Variants in ARGLU1 observed in about 807,000 individuals in gnomAD.
The protein encoded by ARGLU1 is arginine and glutamate rich 1.
ARGLU1 carries 9 observed loss-of-function variants against 37.6 expected under a neutral mutation model. That is an observed-to-expected ratio of 0.24 (90% CI 0.14 to 0.42). The LOEUF (loss-of-function observed/expected upper bound fraction) is 0.42. ARGLU1 is among the 10% of genes least tolerant of loss of function. The pLI, the probability that ARGLU1 is intolerant of heterozygous loss-of-function variation, is 1.00. For missense variants in ARGLU1, 211 were observed against 359.2 expected, an observed-to-expected ratio of 0.59 and a Z score of 3.34; for synonymous variants, 166 against 138.5, an observed-to-expected ratio of 1.20 and a Z score of -1.39.
rs1460776182 is a variant in ARGLU1, at chr13:106,541,928, A to C, written c.*2068T>G. On this transcript the variant is annotated 3_prime_UTR_variant, in exon 4 of 4. Transcript: ENST00000400198. ...ACAAATGAAAAAAACAAATTACTAC[A>C]TTGTTGCAGCACATTAAAGACTGGA... The C allele has an allele frequency of 2.0e-5, 3 of 152,202 alleles. No individual in the cohort carries two copies. The highest frequency in any genetic ancestry group is 7.2e-5 in the African/African-American group (3 of 41,454). 9.4% of individuals were successfully genotyped at this position (152,202 alleles called of 1,614,324 possible). A position where few individuals can be genotyped will look rare whatever the true frequency, so the allele number is the denominator to read the frequency against.
chr13:106,550,837 G>A (rs566239987), intron 3 of ARGLU1, among the ~76,000 whole-genome samples: 10 of 152,166 alleles, frequency 6.6e-5, no homozygotes, highest in Non-Finnish European at 1.2e-4. Flanking sequence ...CTCTGTGTTT[G>A]TTTTCACATC....
Position 106,567,869 on chromosome 13 carries a change from G to C in ARGLU1, c.51C>G (p.Ser17Arg). 6.2e-7 allele frequency: 1 copy of C among 1,612,738 alleles called. No homozygotes were observed. Among genetic ancestry groups the C allele is most frequent in the Non-Finnish European group, 8.5e-7 (1 of 1,179,856 alleles). The change falls in exon 1 of 4, where the codon AGC becomes AGG. Residue 17 changes from serine to arginine, a missense_variant. This residue lies in a region of ARGLU1 where 130 missense variants were observed against 179.8 expected (regional missense o/e 0.72). Transcript: ENST00000400198. The surrounding 1 kb of genome is among the most constrained non-coding windows in gnomAD (Gnocchi z 4.3). Reference protein sequence around the residue: ...RSSSRSKHTKSSKHNKKRSRS... With the variant: ...RSSSRSKHTKRSKHNKKRSRS... ...GGCTGCGCTTCTTGTTGTGCTTGCT[G>C]CTCTTGGTGTGCTTGGAGCGGGACG...
intron 3 of ARGLU1, 145 bp from the exon 4 acceptor site, chr13:106,544,305 G>A (rs1880337097): frequency 3.5e-6 from 2 of 574,016 alleles, no homozygotes; most frequent in South Asian, 7.7e-5. Flanking sequence ...GACTTCCTAT[G>A]AATTACATGC....
Position 106,567,101 on chromosome 13 carries a change from T to C in ARGLU1, c.347+472A>G, listed in dbSNP as rs1026836524. 3.9e-5 allele frequency among the ~76,000 whole-genome samples: 6 copies of C among 152,038 alleles called. No homozygotes were observed. The highest frequency in any genetic ancestry group is 1.2e-4 in the African/African-American group (5 of 41,406). On this transcript the variant is annotated intron_variant, in intron 1 of 3. Coordinates refer to ENST00000400198, the MANE Select transcript of ARGLU1 (RefSeq NM_018011.4). This position sits in a 1 kb window ranked among gnomAD's most constrained non-coding sequence, Gnocchi z 4.3. ...AGATTAGTTAAGTCCTGTCCCAAAT[T>C]TGAGCTTCAATAGAATGCTTCTGGC...
chr13:106,555,110 C>A (rs2138970023), intron 3 of ARGLU1, among the ~76,000 whole-genome samples: 2 of 152,034 alleles, frequency 1.3e-5, no homozygotes, highest in Middle Eastern at 3.4e-3. Context: ...GTAATCCCAG[C>A]ACTTTGGGAA....
rs1880302837 is a variant in ARGLU1, at chr13:106,543,117, T to A, written c.*879A>T. The A allele has an allele frequency of 6.6e-6, 1 of 152,152 alleles. No individual in the cohort carries two copies. 9.4% of individuals were successfully genotyped at this position (152,152 alleles called of 1,614,324 possible). ...TAGTCTTTCTTAAAGGTAACACTGA[T>A]GCCATTTGCTCTATCAGCATAAAGT... On this transcript the variant is annotated 3_prime_UTR_variant, in exon 4 of 4. Coordinates refer to ENST00000400198, the MANE Select transcript of ARGLU1 (RefSeq NM_018011.4).
intron 3 of ARGLU1, among the ~76,000 whole-genome samples, chr13:106,547,018 G>T (rs73588129): frequency 2.6e-5 from 4 of 152,130 alleles, no homozygotes; most frequent in Admixed American, 6.5e-5. Flanking sequence ...GTTATTACCC[G>T]AGTGGGATGT....
chr13:106,559,069 T>C, intron 2 of ARGLU1: 1 of 1,215,218 alleles, frequency 8.2e-7, no homozygotes, highest in East Asian at 5.5e-5. Flanking sequence ...AATAGAAGAA[T>C]ATACAACCAC....
rs770872903 is a variant in ARGLU1, at chr13:106,543,237, A to G, written c.*759T>C. The G allele has an allele frequency of 6.6e-6, 1 of 152,594 alleles. No homozygotes were observed. Among genetic ancestry groups the G allele is most frequent in the Non-Finnish European group, 1.5e-5 (1 of 67,962 alleles). The allele number at this position is 152,594 out of a possible 1,614,324, so 9.5% of individuals were successfully genotyped here. ...TAAAAGTATAAACAAGAGGAAATAT[A>G]GTTCTAAGACTTCTAAATGGTTGAC... On this transcript the variant is annotated 3_prime_UTR_variant, in exon 4 of 4. Coordinates refer to ENST00000400198, the MANE Select transcript of ARGLU1 (RefSeq NM_018011.4).
At chr13:106,549,620 T>C (rs1389390374) in intron 3 of ARGLU1, among the ~76,000 whole-genome samples, 1 of 152,196 alleles carries the variant, frequency 6.6e-6, no homozygotes, top group Non-Finnish European at 1.5e-5. Flanking sequence ...CTCCTTAGGG[T>C]TTCTAATATG....
At position 106,543,964 on chromosome 13, in the gene ARGLU1, T is replaced by C. The variant is rs1880327907; in HGVS notation, c.*32A>G. Reference sequence around the variant, plus strand: ...GAAGCTACCATACAAAGTTTTTCCATTTTTCTTTGTAAAAAGTTCAGAGTT... The same window carrying C: ...GAAGCTACCATACAAAGTTTTTCCACTTTTCTTTGTAAAAAGTTCAGAGTT... On this transcript the variant is annotated 3_prime_UTR_variant, in exon 4 of 4. Transcript: ENST00000400198. 5.1e-6 allele frequency: 8 copies of C among 1,554,250 alleles called. No individual in the cohort carries two copies. Among genetic ancestry groups the C allele is most frequent in the South Asian group, 5.0e-5 (4 of 80,094 alleles).
chr13:106,565,444 C>T (rs1366351875), intron 1 of ARGLU1, among the ~76,000 whole-genome samples: 3 of 152,198 alleles, frequency 2.0e-5, no homozygotes, highest in Admixed American at 6.5e-5. Flanking sequence ...ATTACTGTCA[C>T]TAAATTTACT....
chr13:106,566,204 TG>T (rs1880958524), intron 1 of ARGLU1, among the ~76,000 whole-genome samples: 1 of 152,242 alleles, frequency 6.6e-6, no homozygotes, highest in Non-Finnish European at 1.5e-5. Flanking sequence ...ACAGGAAAAA[TG>T]AGTGTTGCAT....
chr13:106,557,228 T>A lies in ARGLU1; in HGVS notation c.574-97A>T. 4 of 1,085,210 alleles carry A rather than the reference T, an allele frequency of 3.7e-6. No homozygotes were observed. The South Asian group carries it at 5.5e-5, about 15-fold the overall frequency. 67.2% of individuals were successfully genotyped at this position (1,085,210 alleles called of 1,614,324 possible). A position where few individuals can be genotyped will look rare whatever the true frequency, so the allele number is the denominator to read the frequency against. On this transcript the variant is annotated intron_variant, in intron 2 of 3. Coordinates refer to ENST00000400198, the MANE Select transcript of ARGLU1 (RefSeq NM_018011.4). The surrounding 1 kb of genome is among the most constrained non-coding windows in gnomAD (Gnocchi z 5.0). ...TTCCTCTGAACTTTTTTGATATGACTTACAGGGTAGCTTTATAGCTACCTT... is the reference window on the plus strand; with the variant it reads ...TTCCTCTGAACTTTTTTGATATGACATACAGGGTAGCTTTATAGCTACCTT...
chr13:106,561,960 C>T (rs561503023), intron 1 of ARGLU1: 1 of 152,220 alleles, frequency 6.6e-6, no homozygotes, highest in Non-Finnish European at 1.5e-5. Context: ...TCAATTCTAA[C>T]TACAGCTCAG....
At chr13:106,562,999 A>AC (rs1202077005) in intron 1 of ARGLU1, among the ~76,000 whole-genome samples, 7 of 131,740 alleles carry the variant, frequency 5.3e-5, no homozygotes, top group Admixed American at 1.6e-4. Context: ...TCAAAAAAAA[A>AC]AAAAAAAAAC....
In ARGLU1 at chr13:106,557,912, T is replaced by C. The variant is rs1256906224; in HGVS notation, c.574-781A>G. 1.0e-6 allele frequency: 1 copy of C among 985,304 alleles called. No individual in the cohort carries two copies. Among genetic ancestry groups the C allele is most frequent in the African/African-American group, 1.7e-5 (1 of 57,232 alleles). 61.0% of individuals were successfully genotyped at this position (985,304 alleles called of 1,614,324 possible). ...TTTCGGAAGGCAGCTTATATTGTCA[T>C]CTACAATCTGAACTGAAACTCAGAA... On this transcript the variant is annotated intron_variant, in intron 2 of 3. Transcript: ENST00000400198. The surrounding 1 kb of genome is among the most constrained non-coding windows in gnomAD (Gnocchi z 5.0).
Position 106,557,024 on chromosome 13 carries a change from T to G in ARGLU1, c.657+24A>C, listed in dbSNP as rs1594192270. ...GGAAATAAAGCAAAATACAAAACACTTTTCATGTATGCTTTACACTTACCA... is the reference window on the plus strand; with the variant it reads ...GGAAATAAAGCAAAATACAAAACACGTTTCATGTATGCTTTACACTTACCA... On this transcript the variant is annotated intron_variant, in intron 3 of 3. Transcript: ENST00000400198. This position sits in a 1 kb window ranked among gnomAD's most constrained non-coding sequence, Gnocchi z 5.0. 6.3e-7 allele frequency: 1 copy of G among 1,592,598 alleles called. No homozygotes were observed. Among genetic ancestry groups the G allele is most frequent in the Admixed American group, 1.7e-5 (1 of 59,416 alleles).
At position 106,543,922 on chromosome 13, in the gene ARGLU1, A is replaced by G. The variant is rs542189823; in HGVS notation, c.*74T>C. On this transcript the variant is annotated 3_prime_UTR_variant, in exon 4 of 4. Coordinates refer to ENST00000400198, the MANE Select transcript of ARGLU1 (RefSeq NM_018011.4). ...AATTAAAAAAACAAAAACAAAAACAAAAAACCACTTCAACATGAAGCTACC... is the reference window on the plus strand; with the variant it reads ...AATTAAAAAAACAAAAACAAAAACAGAAAACCACTTCAACATGAAGCTACC... 1.9e-4 allele frequency: 269 copies of G among 1,453,784 alleles called. No homozygotes were observed. The highest frequency in any genetic ancestry group is 2.4e-4 in the Non-Finnish European group (255 of 1,084,646). 90.1% of individuals were successfully genotyped at this position (1,453,784 alleles called of 1,614,324 possible).
Sources: allele counts gnomAD v4.1 joint callset (sites outside exome capture counted in the v4.1 genomes callset), GRCh38; gene constraint gnomAD v4.1.1; regional missense constraint gnomAD v4.1.1; non-coding constraint Gnocchi (gnomAD v3.1); transcripts MANE v1.5; gene names NCBI Gene and HGNC (gene_info 2026-07-23, HGNC 2026-07-21).